Variants in KSR2 observed in about 807,000 individuals in gnomAD.
KSR2 encodes the protein kinase suppressor of ras 2.
Under a neutral mutation model 107.8 loss-of-function variants are expected in KSR2, and 25 were observed. That is an observed-to-expected ratio of 0.23 (90% CI 0.17 to 0.32). The LOEUF (loss-of-function observed/expected upper bound fraction) is 0.32, where lower values mean the gene tolerates loss of function less well. Among genes scored for constraint, KSR2 ranks in the 10% least tolerant of loss-of-function variants. The pLI is 1.00. For synonymous variants in KSR2, 480 were observed against 507.0 expected (o/e 0.95, Z 0.71); for missense variants, 887 against 1,268.9 (o/e 0.70, Z 4.57).
chr12:117,794,031 TGCAC>T (rs1890450151), intron 3 of KSR2, among the ~76,000 whole-genome samples: 1 of 34,928 alleles, frequency 2.9e-5, no homozygotes, highest in Admixed American at 4.3e-4. Context: ...CACACCAACA[TGCAC>T]ACACCAACAT....
In KSR2 at chr12:117,873,421, A is replaced by G. The variant is rs572321171; in HGVS notation, c.181-12990T>C. Reference sequence around the variant, plus strand: ...GGGAGCTCCACGTTTATTCTAAGAGAAGCAAGGCCTCATTCGTTCATTTAA... The same window carrying G: ...GGGAGCTCCACGTTTATTCTAAGAGGAGCAAGGCCTCATTCGTTCATTTAA... On this transcript the variant is annotated intron_variant, in intron 1 of 19. Coordinates refer to ENST00000339824, the MANE Select transcript of KSR2 (RefSeq NM_173598.6). Among the ~76,000 whole-genome samples, 10 of 150,158 alleles carry G rather than the reference A, an allele frequency of 6.7e-5. No homozygotes were observed. The South Asian group carries it at 2.1e-3, about 32-fold the overall frequency.
chr12:117,499,270 C>T (rs769479826), intron 14 of KSR2, among the ~76,000 whole-genome samples: 1 of 152,216 alleles, frequency 6.6e-6, no homozygotes, highest in Admixed American at 6.5e-5. Flanking sequence ...GAGAGGATAG[C>T]CCCCACGGTG....
intron 8 of KSR2, among the ~76,000 whole-genome samples, chr12:117,555,912 A>C (rs889793307): frequency 6.6e-6 from 1 of 152,220 alleles, no homozygotes; most frequent in Admixed American, 6.5e-5. Context: ...AAAAATGAGA[A>C]GCTCAAAATC....
intron 5 of KSR2, among the ~76,000 whole-genome samples, chr12:117,637,572 A>C (rs1883155320): frequency 6.6e-6 from 1 of 151,864 alleles, no homozygotes; most frequent in Non-Finnish European, 1.5e-5. Context: ...ACTTTTCCTG[A>C]TAAAAATTAA....
At chr12:117,598,386 T>C (rs1349931471) in intron 5 of KSR2, among the ~76,000 whole-genome samples, 2 of 152,254 alleles carry the variant, frequency 1.3e-5, no homozygotes, top group Non-Finnish European at 2.9e-5. Context: ...CACTTGTTGA[T>C]TGATGGGCAT....
At chr12:117,539,418 G>A (rs997189434) in intron 10 of KSR2, 8 of 340,228 alleles carry the variant, frequency 2.4e-5, no homozygotes, top group African/African-American at 4.3e-5. Flanking sequence ...GTTGTAGCTC[G>A]CCAAAAGACA....
At chr12:117,819,855 A>C (rs886084138) in intron 3 of KSR2, among the ~76,000 whole-genome samples, 2 of 152,186 alleles carry the variant, frequency 1.3e-5, no homozygotes, top group Non-Finnish European at 2.9e-5. Context: ...TCCAAAAAAA[A>C]AGAAGGGAAG....
intron 7 of KSR2, among the ~76,000 whole-genome samples, chr12:117,568,320 T>C (rs992814930): frequency 1.5e-4 from 23 of 152,122 alleles, no homozygotes; most frequent in African/African-American, 5.3e-4. Context: ...GATGGGAGCA[T>C]GTGGCAGGCT....
intron 1 of KSR2, among the ~76,000 whole-genome samples, chr12:117,885,817 C>T (rs191086915): frequency 2.0e-5 from 3 of 151,862 alleles, no homozygotes; most frequent in African/African-American, 7.3e-5. Context: ...CAAACCTGGC[C>T]GGGCGCGGTG....
intron 4 of KSR2, chr12:117,674,163 A>G (rs779270843): frequency 2.4e-6 from 1 of 416,288 alleles, no homozygotes; most frequent in South Asian, 1.7e-5. Flanking sequence ...CTGATGCCCA[A>G]TTTACATACA....
intron 14 of KSR2, among the ~76,000 whole-genome samples, chr12:117,494,427 G>T (rs1446160148): frequency 1.3e-5 from 2 of 152,128 alleles, no homozygotes; most frequent in Non-Finnish European, 2.9e-5. Flanking sequence ...CCTTTAACCT[G>T]CAAATAGAGT....
intron 1 of KSR2, among the ~76,000 whole-genome samples, chr12:117,903,369 C>T (rs1460379113): frequency 1.3e-5 from 2 of 151,866 alleles, no homozygotes; most frequent in Admixed American, 1.3e-4. Flanking sequence ...TTGAGTCACC[C>T]GAGTTAGCAA....
chr12:117,949,064 A>C (rs1279788278), intron 1 of KSR2, among the ~76,000 whole-genome samples: 1 of 152,208 alleles, frequency 6.6e-6, no homozygotes, highest in Non-Finnish European at 1.5e-5. Flanking sequence ...ACTGCACTCC[A>C]GCCTGGGAGA....
At chr12:117,888,096 C>T (rs915195278) in intron 1 of KSR2, among the ~76,000 whole-genome samples, 2 of 152,200 alleles carry the variant, frequency 1.3e-5, no homozygotes, top group Non-Finnish European at 1.5e-5. Flanking sequence ...CAAGTGTAGC[C>T]TTTTCTCCAG....
At chr12:117,587,627 C>T (rs1413225384) in intron 5 of KSR2, among the ~76,000 whole-genome samples, 2 of 152,268 alleles carry the variant, frequency 1.3e-5, no homozygotes, top group Non-Finnish European at 2.9e-5. Context: ...GAAACTGACA[C>T]AGCACCTATC....
intron 4 of KSR2, among the ~76,000 whole-genome samples, chr12:117,760,285 C>G (rs1593207041): frequency 1.3e-5 from 2 of 152,314 alleles, no homozygotes; most frequent in African/African-American, 2.4e-5. Flanking sequence ...CACACCTGCT[C>G]TCTCCCCCAA....
At chr12:117,632,524 C>T (rs61023539) in intron 5 of KSR2, among the ~76,000 whole-genome samples, 6 of 152,188 alleles carry the variant, frequency 3.9e-5, no homozygotes, top group Non-Finnish European at 7.4e-5. Flanking sequence ...CCATGCCCTG[C>T]CACCTACTCC....
intron 3 of KSR2, among the ~76,000 whole-genome samples, chr12:117,833,571 C>T (rs1892067556): frequency 6.6e-6 from 1 of 152,110 alleles, no homozygotes; most frequent in Non-Finnish European, 1.5e-5. Context: ...CTATGTTGCC[C>T]AGGCTAGTCT....
intron 2 of KSR2, among the ~76,000 whole-genome samples, chr12:117,859,461 A>T (rs866770429): frequency 1.8e-3 from 238 of 130,606 alleles, no homozygotes; most frequent in East Asian, 7.2e-3. Flanking sequence ...TTTTTTATTT[A>T]TTTTTTTTTT....
Sources: gnomAD v4.1 joint callset for allele counts (sites outside exome capture counted in the v4.1 genomes callset) on GRCh38, gnomAD v4.1.1 for gene constraint, MANE v1.5 for transcripts, NCBI Gene and HGNC (gene_info 2026-07-23, HGNC 2026-07-21) for gene names.